The following XRCC2 variants were observed in gnomAD, a reference collection of about 807,000 sequenced individuals.
XRCC2 encodes DNA repair protein XRCC2.
XRCC2 carries 24 observed loss-of-function variants against 27.3 expected under a neutral mutation model. That is an observed-to-expected ratio of 0.88 (90% confidence interval 0.64 to 1.24). XRCC2 has a LOEUF of 1.24. XRCC2 is among the 50% of genes most tolerant of loss of function. The pLI is 0.00. For synonymous variants in XRCC2, 106 were observed against 115.4 expected (o/e 0.92, Z 0.52); for missense variants, 321 against 325.8 (o/e 0.99, Z 0.11).
At chr7:152,669,885 C>A (rs1352666280) in intron 1 of XRCC2, among the ~76,000 whole-genome samples, 9 of 150,728 alleles carry the variant, frequency 6.0e-5, no homozygotes, top group African/African-American at 2.2e-4. Context: ...ATGCTTGGGC[C>A]AAGGCTAGCA....
rs1386576515 is a variant in XRCC2, at chr7:152,647,708, AG to A, written c.*933del. 6.6e-6 allele frequency: 1 copy of A among 152,182 alleles called. No individual in the cohort carries two copies. Among genetic ancestry groups the A allele is most frequent in the Non-Finnish European group, 1.5e-5 (1 of 68,028 alleles). The allele number at this position is 152,182 out of a possible 1,614,324, so 9.4% of individuals were successfully genotyped here. ...GTTCATCGAAGATCAAAAAAATTAT[AG>A]GTGTGTGGTCTCATTTCTAAATTCT... On this transcript the variant is annotated 3_prime_UTR_variant, in exon 3 of 3. Coordinates refer to ENST00000359321, the MANE Select transcript of XRCC2 (RefSeq NM_005431.2).
intron 1 of XRCC2, among the ~76,000 whole-genome samples, chr7:152,671,482 T>TA (rs2098038157): frequency 6.6e-6 from 1 of 152,170 alleles, no homozygotes; most frequent in Non-Finnish European, 1.5e-5. Flanking sequence ...ATAGTCACAT[T>TA]ACAATCACAA....
intron 2 of XRCC2, among the ~76,000 whole-genome samples, chr7:152,656,231 A>T (rs1437061222): frequency 1.3e-5 from 2 of 152,168 alleles, no homozygotes; most frequent in East Asian, 1.9e-4. Context: ...AATAAATTTT[A>T]AAAAATGTTC....
intron 2 of XRCC2, among the ~76,000 whole-genome samples, chr7:152,649,822 G>A (rs2098027735): frequency 6.6e-6 from 1 of 152,204 alleles, no homozygotes; most frequent in Admixed American, 6.5e-5. Context: ...TAACACAGCT[G>A]TCGCCAGTGA....
At chr7:152,665,967 C>T (rs1257574865) in intron 1 of XRCC2, among the ~76,000 whole-genome samples, 1 of 152,030 alleles carries the variant, frequency 6.6e-6, no homozygotes, top group Non-Finnish European at 1.5e-5. Flanking sequence ...TTAACCCAAC[C>T]AACATATGAT....
intron 1 of XRCC2, among the ~76,000 whole-genome samples, chr7:152,667,062 A>G (rs561530438): frequency 6.6e-6 from 1 of 152,332 alleles, no homozygotes; most frequent in Non-Finnish European, 1.5e-5. Context: ...TCATTTCTCA[A>G]AACACTGTAG....
chr7:152,674,713 T>TTTTAAATAC (rs2098039763), intron 1 of XRCC2, among the ~76,000 whole-genome samples: 1 of 55,184 alleles, frequency 1.8e-5, no homozygotes, highest in Non-Finnish European at 3.4e-5. Flanking sequence ...ATTTATATAA[T>TTTTAAATAC]ATATTTTTAA....
intron 2 of XRCC2, among the ~76,000 whole-genome samples, chr7:152,657,539 C>T (rs2098031215): frequency 6.6e-6 from 1 of 152,140 alleles, no homozygotes; most frequent in Admixed American, 6.5e-5. Context: ...GATCCACAGA[C>T]CTCAGCCTCC....
chr7:152,652,836 G>T (rs1019488871), intron 2 of XRCC2, among the ~76,000 whole-genome samples: 3 of 152,220 alleles, frequency 2.0e-5, no homozygotes, highest in South Asian at 4.1e-4. Context: ...ATGGAAGCGG[G>T]TCTGGTAGGG....
Position 152,648,694 on chromosome 7 carries a change from C to T in XRCC2, c.791G>A (p.Ser264Asn). ...SLVSRCLKSN[S>N]LKKHFFIIGE... ...AATAATAAAAAAATGTTTTTTTAAA[C>T]TGTTACTTTTTAAACAACGTGAAAC... The change falls in exon 3 of 3, where the codon AGT (serine) becomes AAT (asparagine). Residue 264 changes from serine to asparagine, a missense_variant. By Grantham distance (46) the Ser-to-Asn change is conservative (BLOSUM62 1). Coordinates refer to ENST00000359321, the MANE Select transcript of XRCC2 (RefSeq NM_005431.2). 2.5e-6 allele frequency: 4 copies of T among 1,607,116 alleles called. No homozygotes were observed. In the South Asian group the frequency reaches 3.4e-5, roughly 13 times the overall value.
At position 152,648,833 on chromosome 7, in the gene XRCC2, C is replaced by T. The variant is rs1467772843; in HGVS notation, c.652G>A (p.Asp218Asn). The T allele has an allele frequency of 6.2e-7, 1 of 1,613,694 alleles. No homozygotes were observed. The highest frequency in any genetic ancestry group is 1.7e-5 in the Admixed American group (1 of 60,008). ...TAAGGTCTGTAGTCTATGTCCACAT[C>T]ACACAGTCGTCGAGAGGCATGAGAA... is the stretch of plus-strand genomic sequence containing the variant. The part of the protein sequence containing the change: ...EPSHASRRLC[D>N]VDIDYRPYLC... The change falls in exon 3 of 3, where the codon GAT becomes AAT. Residue 218 changes from aspartate to asparagine, a missense_variant. Coordinates refer to ENST00000359321, the MANE Select transcript of XRCC2 (RefSeq NM_005431.2).
chr7:152,660,792 GAAGA>G lies in XRCC2; in HGVS notation c.40-14_40-11del, dbSNP rs1233274842. ...CAAGTCGGGCAAGGAGCTTATAAAA[GAAGA>G]GAGAAGGAAAACTCATTATTTAAAA... On this transcript the variant is annotated splice_polypyrimidine_tract_variant and intron_variant, in intron 1 of 2. Coordinates refer to ENST00000359321, the MANE Select transcript of XRCC2 (RefSeq NM_005431.2). The G allele has an allele frequency of 1.9e-6, 3 of 1,592,320 alleles. No individual in the cohort carries two copies. Among genetic ancestry groups the G allele is most frequent in the South Asian group, 1.1e-5 (1 of 88,442 alleles).
intron 1 of XRCC2, among the ~76,000 whole-genome samples, chr7:152,668,714 G>A (rs2098036961): frequency 6.6e-6 from 1 of 152,070 alleles, no homozygotes; most frequent in Non-Finnish European, 1.5e-5. Flanking sequence ...AATACACAGT[G>A]GACATAATAA....
At chr7:152,653,402 G>A (rs1193651719) in intron 2 of XRCC2, among the ~76,000 whole-genome samples, 1 of 152,160 alleles carries the variant, frequency 6.6e-6, no homozygotes, top group Non-Finnish European at 1.5e-5. Flanking sequence ...ACCTAATGTG[G>A]TGACTTAAAA....
intron 1 of XRCC2, among the ~76,000 whole-genome samples, chr7:152,661,771 A>T (rs2098033194): frequency 6.6e-6 from 1 of 152,202 alleles, no homozygotes; most frequent in African/African-American, 2.4e-5. Context: ...GACAACAGCC[A>T]ACAGGTGTGA....
rs190900560 is a variant in XRCC2 at position 152,648,743 on chromosome 7, G to C, written c.742C>G (p.Gln248Glu). 4.3e-6 allele frequency: 7 copies of C among 1,614,072 alleles called. No homozygotes were observed. The highest frequency in any genetic ancestry group is 5.1e-6 in the Non-Finnish European group (6 of 1,180,028). Residue 248 changes from glutamine (Q) to glutamate (E), a missense_variant, in exon 3 of 3, where the codon CAA becomes GAA. Physicochemically the swap from Gln to Glu is conservative, Grantham distance 29. Coordinates refer to ENST00000359321, the MANE Select transcript of XRCC2 (RefSeq NM_005431.2). ...RMFFSKQDDSQSSNQFSLVSR... is the reference protein window; with the variant it reads ...RMFFSKQDDSESSNQFSLVSR... ...ACTAATGAAAATTGGTTGCTGCTTT[G>C]AGAATCATCTTGTTTGGAGAAAAAC... is the stretch of plus-strand genomic sequence containing the variant.
intron 1 of XRCC2, among the ~76,000 whole-genome samples, chr7:152,671,522 C>G (rs2098038179): frequency 1.3e-5 from 2 of 152,134 alleles, no homozygotes; most frequent in African/African-American, 4.8e-5. Context: ...ACATACAATA[C>G]TCTTCTCTTA....
At chr7:152,653,670 C>T (rs933449967) in intron 2 of XRCC2, among the ~76,000 whole-genome samples, 1 of 151,906 alleles carries the variant, frequency 6.6e-6, no homozygotes, top group African/African-American at 2.4e-5. Flanking sequence ...CTGAGTTGCC[C>T]AGGGTGGTCT....
In XRCC2 at chr7:152,660,710, G is replaced by C; in HGVS notation, c.112C>G (p.Pro38Ala). 3 of 1,612,700 alleles carry C rather than the reference G, an allele frequency of 1.9e-6. No homozygotes were observed. Among genetic ancestry groups the C allele is most frequent in the South Asian group, 2.2e-5 (2 of 90,682 alleles). The change falls in exon 2 of 3, where the codon CCT (proline) becomes GCT (alanine). Residue 38 changes from proline (P) to alanine (A), a missense_variant. Transcript: ENST00000359321. ...EPNLFADEDS[P>A]VHGDILEFHG... ...AGGTTGTATTTTTTACCATGCACAG[G>C]TGAATCTTCATCAGCAAACAGATTT...
Sources: gnomAD v4.1 joint callset for allele counts (sites outside exome capture counted in the v4.1 genomes callset) on GRCh38, gnomAD v4.1.1 for gene constraint, MANE v1.5 for transcripts, NCBI Gene and HGNC (gene_info 2026-07-23, HGNC 2026-07-21) for gene names.